Variants in NRG4 observed in about 807,000 individuals in gnomAD.
NRG4 encodes neuregulin 4, also known as pro-neuregulin-4, membrane-bound isoform.
A neutral mutation model predicts 15.0 loss-of-function variants in NRG4; 10 were observed. The observed-to-expected ratio is 0.67, with a 90% CI of 0.41 to 1.13. The LOEUF (loss-of-function observed/expected upper bound fraction) is 1.13. Among genes scored for constraint, NRG4 ranks in the 50% most tolerant of loss-of-function variants. The pLI is 0.00. For synonymous variants in NRG4, 41 were observed against 50.1 expected (o/e 0.82, Z 0.77); for missense variants, 139 against 140.2 (o/e 0.99, Z 0.04).
rs143451768 is a variant in NRG4 at position 76,005,376 on chromosome 15, C to T, written c.104+3824G>A. Among the ~76,000 whole-genome samples, 764 of 138,586 alleles carry T rather than the reference C, an allele frequency of 5.5e-3. 7 individuals carry two copies. Among genetic ancestry groups the T allele is most frequent in the African/African-American group, 0.018 (689 of 38,402 alleles). The allele number at this position is 138,586 out of a possible 152,430, so 90.9% of individuals were successfully genotyped here. ...CAGCCTGGGCAACACAGCAAGACTC[C>T]GTCTCTTAAAAAAAAAAAAAAAAAA... On this transcript the variant is annotated intron_variant, in intron 3 of 5. Transcript: ENST00000394907.
intron 3 of NRG4, chr15:76,005,893 G>T: frequency 3.4e-6 from 1 of 296,506 alleles, no homozygotes; most frequent in South Asian, 3.5e-5. Flanking sequence ...GCTCTAGTTA[G>T]AATGCAGACC....
intron 3 of NRG4, chr15:75,971,034 T>C: frequency 3.9e-6 from 1 of 254,280 alleles, no homozygotes; most frequent in Admixed American, 5.4e-5. Context: ...CGAGCTATTT[T>C]ACAACTCTGT....
intron 4 of NRG4, among the ~76,000 whole-genome samples, chr15:76,039,619 T>C (rs1009637523): frequency 6.6e-6 from 1 of 151,930 alleles, no homozygotes; most frequent in Admixed American, 6.6e-5. Flanking sequence ...ATCTAGAAAA[T>C]AGCCTCAAAA....
At chr15:75,976,141 G>A (rs2033354890) in intron 3 of NRG4, among the ~76,000 whole-genome samples, 2 of 151,974 alleles carry the variant, frequency 1.3e-5, no homozygotes, top group African/African-American at 4.8e-5. Context: ...ATTGATACCC[G>A]TGTATGCTTT....
upstream of NRG4, among the ~76,000 whole-genome samples, chr15:76,017,016 G>A (rs1206898429): frequency 6.6e-6 from 1 of 151,918 alleles, no homozygotes; most frequent in Non-Finnish European, 1.5e-5. Context: ...CTCCTGTATT[G>A]GGTGCATATA....
chr15:75,989,687 A>G (rs1456669126), intron 3 of NRG4, among the ~76,000 whole-genome samples: 3 of 152,254 alleles, frequency 2.0e-5, no homozygotes, highest in East Asian at 1.9e-4. Flanking sequence ...AATTCTTTAC[A>G]TATTTATAGT....
chr15:76,015,202 G>T (rs1456210170), upstream of NRG4, among the ~76,000 whole-genome samples: 6 of 152,218 alleles, frequency 3.9e-5, no homozygotes, highest in Non-Finnish European at 5.9e-5. Context: ...TGTATCCTGA[G>T]ACTTTGCTGA....
upstream of NRG4, among the ~76,000 whole-genome samples, chr15:76,015,312 T>C (rs999361736): frequency 2.0e-5 from 3 of 152,218 alleles, no homozygotes; most frequent in African/African-American, 4.8e-5. Flanking sequence ...CTTCCTCTCT[T>C]CCTATTTGAA....
chr15:76,034,788 A>G (rs532867543), intron 5 of NRG4, among the ~76,000 whole-genome samples: 2 of 152,274 alleles, frequency 1.3e-5, no homozygotes, highest in African/African-American at 4.8e-5. Context: ...GTTCTTTGTC[A>G]ATTTAGAGCA....
At chr15:75,947,968 G>C (rs903814614) in intron 5 of NRG4, among the ~76,000 whole-genome samples, 1 of 152,126 alleles carries the variant, frequency 6.6e-6, no homozygotes, top group Non-Finnish European at 1.5e-5. Flanking sequence ...TTGGAGAAAT[G>C]TCTATTCAAA....
chr15:76,059,443 T>C (rs1279153921), intron 1 of NRG4, among the ~76,000 whole-genome samples: 1 of 152,144 alleles, frequency 6.6e-6, no homozygotes, highest in Non-Finnish European at 1.5e-5. Context: ...CTCTGGAAAC[T>C]GCAAAGCGCT....
At chr15:75,978,555 T>C (rs1195315602) in intron 3 of NRG4, among the ~76,000 whole-genome samples, 3 of 152,200 alleles carry the variant, frequency 2.0e-5, no homozygotes, top group Non-Finnish European at 2.9e-5. Context: ...TTGAGACATA[T>C]ACCCAGCAGC....
intron 4 of NRG4, among the ~76,000 whole-genome samples, chr15:76,051,674 C>T (rs2036022655): frequency 6.7e-6 from 1 of 150,116 alleles, no homozygotes; most frequent in African/African-American, 2.5e-5. Flanking sequence ...TGCCATTCTC[C>T]TGCCTCGGCC....
At chr15:75,967,456 A>ATTTTTTTTTTTTTT (rs71140189) in intron 3 of NRG4, among the ~76,000 whole-genome samples, 1 of 100,178 alleles carries the variant, frequency 1.0e-5, no homozygotes, top group Non-Finnish European at 1.9e-5. Flanking sequence ...AAAATCTTAG[A>ATTTTTTTTTTTTTT]TTTTTTTTTT....
chr15:76,025,784 G>A (rs1241685606), intron 5 of NRG4, among the ~76,000 whole-genome samples: 1 of 152,030 alleles, frequency 6.6e-6, no homozygotes, highest in Non-Finnish European at 1.5e-5. Context: ...GGCTGAGGCA[G>A]GAAAACTGCT....
intron 5 of NRG4, among the ~76,000 whole-genome samples, chr15:76,028,763 G>A (rs8028084): frequency 0.037 from 5,607 of 151,934 alleles, 177 homozygotes; most frequent in African/African-American, 0.085. Flanking sequence ...AGCCAGGCAC[G>A]ATGGCCTGCA....
At chr15:75,967,946 TTAAG>T (rs1489735258) in intron 3 of NRG4, among the ~76,000 whole-genome samples, 2 of 152,226 alleles carry the variant, frequency 1.3e-5, no homozygotes, top group African/African-American at 2.4e-5. Context: ...ATTTCTTAGC[TTAAG>T]TAAGTCATTG....
At chr15:76,001,268 A>C (rs566191040) in intron 3 of NRG4, among the ~76,000 whole-genome samples, 3 of 152,134 alleles carry the variant, frequency 2.0e-5, no homozygotes, top group South Asian at 4.1e-4. Flanking sequence ...AAGTGCTGGG[A>C]CTACAGGCGT....
chr15:76,051,609 G>C (rs1289309454), intron 4 of NRG4, among the ~76,000 whole-genome samples: 1 of 148,576 alleles, frequency 6.7e-6, no homozygotes, highest in East Asian at 1.9e-4. Flanking sequence ...TGTCGCCCAG[G>C]CTGGAGTGCT....
Sources: gnomAD v4.1 joint callset for allele counts (sites outside exome capture counted in the v4.1 genomes callset) on GRCh38, gnomAD v4.1.1 for gene constraint, MANE v1.5 for transcripts, NCBI Gene and HGNC (gene_info 2026-07-23, HGNC 2026-07-21) for gene names.